The following SYDE2 variants were observed in gnomAD, a reference collection of about 807,000 sequenced individuals.
The protein encoded by SYDE2 is rho GTPase-activating protein SYDE2.
SYDE2 carries 76 observed loss-of-function variants against 91.5 expected under a neutral mutation model. The ratio of observed to expected loss-of-function variants is 0.83; its 90% CI spans 0.69 to 1.01. The LOEUF is 1.01. SYDE2 is among the 50% of genes least tolerant of loss of function. The pLI, the probability that SYDE2 is intolerant of heterozygous loss-of-function variation, is 0.00. For synonymous variants in SYDE2, 513 were observed against 506.4 expected, an observed-to-expected ratio of 1.01 and a Z score of -0.18; for missense variants, 1,364 against 1,367.7, an observed-to-expected ratio of 1.00 and a Z score of 0.04.
At chr1:85,168,087 C>T (rs1462180487) in intron 5 of SYDE2, among the ~76,000 whole-genome samples, 1 of 151,598 alleles carries the variant, frequency 6.6e-6, no homozygotes, top group Non-Finnish European at 1.5e-5. Context: ...TGCACTCAAG[C>T]CCGGGCAACA....
Position 85,159,933 on chromosome 1 carries a change from T to C in SYDE2, c.3086-684A>G, listed in dbSNP as rs1656996440. On this transcript the variant is annotated intron_variant, in intron 6 of 6. Transcript: ENST00000341460. Reference sequence around the variant, plus strand: ...GGTATTTAACAATCCCAAATAACATTTTCCACATTAAGACTAGTTTATTCT... The same window carrying C: ...GGTATTTAACAATCCCAAATAACATCTTCCACATTAAGACTAGTTTATTCT... 11 of 984,780 alleles carry C rather than the reference T, an allele frequency of 1.1e-5. 1 individual carries two copies. Among genetic ancestry groups the C allele is most frequent in the Non-Finnish European group, 1.1e-5 (9 of 829,324 alleles). The allele number at this position is 984,780 out of a possible 1,614,324, so 61.0% of individuals were successfully genotyped here.
chr1:85,176,696 T>A (rs996859437), intron 4 of SYDE2, among the ~76,000 whole-genome samples: 1 of 151,998 alleles, frequency 6.6e-6, no homozygotes, highest in Admixed American at 6.6e-5. Context: ...ACACAGAAGA[T>A]CTGGAGATAC....
In SYDE2 at chr1:85,190,635, C is replaced by A. The variant is rs946899293; in HGVS notation, c.863G>T (p.Arg288Leu). The change falls in exon 2 of 7, where the codon CGC (arginine) becomes CTC (leucine). Residue 288 changes from arginine to leucine, a missense_variant. Arg to Leu is a moderately radical substitution (Grantham distance 102). Coordinates refer to ENST00000341460, the MANE Select transcript of SYDE2 (RefSeq NM_032184.2). ...PLNSITVSKK[R>L]NWLYQSTLRP... ...CAGAGTACTCTGATATAGCCAATTG[C>A]GTTTCTTTGAAACAGTGATGCTGTT... is the stretch of plus-strand genomic sequence containing the variant. 3.1e-6 allele frequency: 5 copies of A among 1,613,854 alleles called. No individual in the cohort carries two copies. The South Asian group carries it at 4.4e-5, about 14-fold the overall frequency.
In SYDE2 at chr1:85,190,099, T is replaced by C. The variant is rs1252330900; in HGVS notation, c.1399A>G (p.Ile467Val). 1.2e-6 allele frequency: 2 copies of C among 1,613,812 alleles called. No homozygotes were observed. Among genetic ancestry groups the C allele is most frequent in the Non-Finnish European group, 1.7e-6 (2 of 1,179,766 alleles). The part of the protein sequence containing the change: ...QKLGHKTQEG[I>V]MVEDSPMLKS... ...AACATGGGACTGTCCTCCACCATTA[T>C]ACCTTCTTGTGTCTTGTGTCCTAGC... The change falls in exon 2 of 7, where the codon ATA (isoleucine) becomes GTA (valine). Residue 467 changes from isoleucine to valine, a missense_variant. By Grantham distance (29) the Ile-to-Val change is conservative (BLOSUM62 3). Transcript: ENST00000341460.
At chr1:85,172,880 C>G (rs888101758) in intron 4 of SYDE2, among the ~76,000 whole-genome samples, 1 of 152,122 alleles carries the variant, frequency 6.6e-6, no homozygotes, top group African/African-American at 2.4e-5. Context: ...AATCAGCACA[C>G]GCAGGTGGGG....
chr1:85,155,720 C>T (rs1196485708), downstream of SYDE2, among the ~76,000 whole-genome samples: 1 of 152,142 alleles, frequency 6.6e-6, no homozygotes, highest in African/African-American at 2.4e-5. Context: ...TTTACCTGTG[C>T]ATACTTTTGC....
chr1:85,187,422 T>C (rs1345300489), intron 2 of SYDE2, among the ~76,000 whole-genome samples: 2 of 152,002 alleles, frequency 1.3e-5, no homozygotes, highest in African/African-American at 4.8e-5. Flanking sequence ...CTGGTGGGAC[T>C]GTAAACTAGT....
rs374736383 is a variant in SYDE2 at position 85,164,689 on chromosome 1, C to T, written c.2922G>A (p.Thr974=). The T allele has an allele frequency of 2.5e-5, 38 of 1,531,884 alleles. No homozygotes were observed. Among genetic ancestry groups the T allele is most frequent in the Middle Eastern group, 1.7e-4 (1 of 5,924 alleles). 94.9% of individuals were successfully genotyped at this position (1,531,884 alleles called of 1,614,324 possible). Reference sequence around the variant, plus strand: ...CAAAGCACACAGCCAAATTCTGGCACGTCATCTTATTCACTTCATGATAGG... The same window carrying T: ...CAAAGCACACAGCCAAATTCTGGCATGTCATCTTATTCACTTCATGATAGG... ...VASYHEVNKM[T]CQNLAVCFGP... Residue 974 remains threonine (T), a synonymous_variant, in exon 6 of 7, where the codon ACG becomes ACA. Coordinates refer to ENST00000341460, the MANE Select transcript of SYDE2 (RefSeq NM_032184.2).
In SYDE2 at chr1:85,190,482, G is replaced by T. The variant is rs1362125973; in HGVS notation, c.1016C>A (p.Thr339Lys). 2.5e-6 allele frequency: 4 copies of T among 1,613,864 alleles called. No homozygotes were observed. Among genetic ancestry groups the T allele is most frequent in the African/African-American group, 1.3e-5 (1 of 74,912 alleles). The change falls in exon 2 of 7, where the codon ACA (threonine) becomes AAA (lysine). Residue 339 changes from threonine (T) to lysine (K), a missense_variant. Transcript: ENST00000341460. ...SFLKSSKEYCTYVVCNATNSS... is the reference protein window; with the variant it reads ...SFLKSSKEYCKYVVCNATNSS... Reference sequence around the variant, plus strand: ...GTTTGTAGCGTTACATACCACATATGTACAGTACTCTTTAGATGATTTGAG... The same window carrying T: ...GTTTGTAGCGTTACATACCACATATTTACAGTACTCTTTAGATGATTTGAG...
chr1:85,173,009 T>G (rs572503422), intron 4 of SYDE2, among the ~76,000 whole-genome samples: 1 of 152,254 alleles, frequency 6.6e-6, no homozygotes, highest in East Asian at 1.9e-4. Context: ...AACTTCATAA[T>G]TCATGGGATA....
chr1:85,164,566 T>A lies in SYDE2; in HGVS notation c.3045A>T (p.Lys1015Asn). 1 of 1,606,448 alleles carries A rather than the reference T, an allele frequency of 6.2e-7. No individual in the cohort carries two copies. The highest frequency in any genetic ancestry group is 8.5e-7 in the Non-Finnish European group (1 of 1,176,628). The change falls in exon 6 of 7, where the codon AAA becomes AAT. Residue 1015 changes from lysine (K) to asparagine (N), a missense_variant. Physicochemically the swap from Lys to Asn is moderately conservative, Grantham distance 94 (BLOSUM62 0). Transcript: ENST00000341460. ...GTAAGTAATGAAGAACTTCAATGTG[T>A]TTTTTAAAATCCAAAGCACTTGCAA... Reference protein sequence around the residue: ...EELASALDFKKHIEVLHYLLQ... With the variant: ...EELASALDFKNHIEVLHYLLQ...
intron 6 of SYDE2, among the ~76,000 whole-genome samples, chr1:85,161,380 G>A (rs2100643371): frequency 6.6e-6 from 1 of 152,224 alleles, no homozygotes; most frequent in Non-Finnish European, 1.5e-5. Flanking sequence ...AGAAATAAGA[G>A]GAAAACTGAT....
Position 85,182,456 on chromosome 1 carries a change from T to G in SYDE2, c.2186A>C (p.Asp729Ala). Residue 729 changes from aspartate to alanine, a missense_variant, in exon 3 of 7, where the codon GAT (aspartate) becomes GCT (alanine). Physicochemically the swap from Asp to Ala is moderately radical, Grantham distance 126 (BLOSUM62 -2). Coordinates refer to ENST00000341460, the MANE Select transcript of SYDE2 (RefSeq NM_032184.2). The stretch of plus-strand genomic sequence containing the variant: ...TTCAATTTCTATGTTGAAAGTGTGA[T>G]CCATGTCTAAAAATGTTGTTCGGCA... ...LTCRTTFLDM[D>A]HTFNIEIENA... 1 of 1,613,674 alleles carries G rather than the reference T, an allele frequency of 6.2e-7. No individual in the cohort carries two copies. The highest frequency in any genetic ancestry group is 2.2e-5 in the East Asian group (1 of 44,874).
At chr1:85,198,846 T>A (rs529765250) in intron 1 of SYDE2, among the ~76,000 whole-genome samples, 1 of 152,222 alleles carries the variant, frequency 6.6e-6, no homozygotes, top group African/African-American at 2.4e-5. Context: ...TAAAATATAA[T>A]AAATGATTAC....
At chr1:85,175,469 G>A (rs1480156217) in intron 4 of SYDE2, among the ~76,000 whole-genome samples, 10 of 152,174 alleles carry the variant, frequency 6.6e-5, no homozygotes, top group Admixed American at 6.5e-4. Flanking sequence ...GGGCTACAGA[G>A]TGAGACTCTT....
chr1:85,186,129 C>T (rs1006722664), intron 2 of SYDE2, among the ~76,000 whole-genome samples: 1 of 152,032 alleles, frequency 6.6e-6, no homozygotes, highest in Non-Finnish European at 1.5e-5. Context: ...ACCAGCCTTG[C>T]ATCCCAGGGA....
chr1:85,182,703 C>T lies in SYDE2; in HGVS notation c.1939G>A (p.Glu647Lys). The change falls in exon 3 of 7, where the codon GAA becomes AAA. Residue 647 changes from glutamate to lysine, a missense_variant. Coordinates refer to ENST00000341460, the MANE Select transcript of SYDE2 (RefSeq NM_032184.2). ...GSENKFGKGKEIISNSCSKNE... is the reference protein window; with the variant it reads ...GSENKFGKGKKIISNSCSKNE... ...TTGCTACAACTATTTGAAATTATTTCTTTTCCTTTTCCAAATTTGTTTTCA... is the reference window on the plus strand; with the variant it reads ...TTGCTACAACTATTTGAAATTATTTTTTTTCCTTTTCCAAATTTGTTTTCA... The T allele has an allele frequency of 6.2e-7, 1 of 1,613,608 alleles. No individual in the cohort carries two copies. Among genetic ancestry groups the T allele is most frequent in the South Asian group, 1.1e-5 (1 of 91,050 alleles).
intron 1 of SYDE2, chr1:85,194,681 G>T: frequency 3.9e-6 from 1 of 255,900 alleles, no homozygotes; most frequent in Non-Finnish European, 6.1e-6. Flanking sequence ...GAAAGAAATG[G>T]CAATTAAAAG....
At chr1:85,183,666 G>T (rs1439598395) in intron 2 of SYDE2, among the ~76,000 whole-genome samples, 1 of 152,092 alleles carries the variant, frequency 6.6e-6, no homozygotes, top group Non-Finnish European at 1.5e-5. Flanking sequence ...CTATTAAGAA[G>T]ATAATAGAAA....
Sources: gnomAD v4.1 joint callset for allele counts (sites outside exome capture counted in the v4.1 genomes callset) on GRCh38, gnomAD v4.1.1 for gene constraint, MANE v1.5 for transcripts, NCBI Gene and HGNC (gene_info 2026-07-23, HGNC 2026-07-21) for gene names.